Variants in ADARB2 observed in about 807,000 individuals in gnomAD.
ADARB2 encodes the protein inactive double-stranded RNA-specific editase B2.
A neutral mutation model predicts 62.2 loss-of-function variants in ADARB2; 25 were observed. The observed-to-expected ratio is 0.40, with a 90% CI of 0.29 to 0.56. The LOEUF is 0.56. ADARB2 is among the 20% of genes least tolerant of loss of function. The pLI, the probability that ADARB2 is intolerant of heterozygous loss-of-function variation, is 0.43. For synonymous variants in ADARB2, 572 were observed against 500.8 expected, an observed-to-expected ratio of 1.14 and a Z score of -1.90; for missense variants, 1,071 against 1,077.4, an observed-to-expected ratio of 0.99 and a Z score of 0.08.
chr10:1,599,782 C>A lies in ADARB2; in HGVS notation c.100+137269G>T, dbSNP rs143278813. ...TTGAGACAGGGTGCTGCTCTGTTGC[C>A]GAGGCTGGAGTAGAGTACAGTGGTG... is the stretch of plus-strand genomic sequence containing the variant. On this transcript the variant is annotated intron_variant, in intron 1 of 9. Coordinates refer to ENST00000381312, the MANE Select transcript of ADARB2 (RefSeq NM_018702.4). Among the ~76,000 whole-genome samples, 600 of 152,138 alleles carry A rather than the reference C, an allele frequency of 3.9e-3. 2 individuals are homozygous for A. The highest frequency in any genetic ancestry group is 0.014 in the African/African-American group (574 of 41,474).
chr10:1,634,975 A>G (rs960997017), intron 1 of ADARB2, among the ~76,000 whole-genome samples: 1 of 152,240 alleles, frequency 6.6e-6, no homozygotes, highest in Admixed American at 6.5e-5. Context: ...CTGTATTTGT[A>G]AAAGCTGGTT....
chr10:1,626,556 C>T (rs1223584765), intron 1 of ADARB2, among the ~76,000 whole-genome samples: 6 of 152,306 alleles, frequency 3.9e-5, no homozygotes, highest in African/African-American at 1.4e-4. Flanking sequence ...CTCCCCTGCA[C>T]GTGTCATGGG....
intron 1 of ADARB2, among the ~76,000 whole-genome samples, chr10:1,660,999 A>G (rs1039597807): frequency 4.6e-5 from 7 of 152,150 alleles, no homozygotes; most frequent in Non-Finnish European, 1.0e-4. Context: ...ACCCTGAGAT[A>G]ACCTCGTCTC....
At chr10:1,588,327 T>G (rs1245047455) in intron 1 of ADARB2, among the ~76,000 whole-genome samples, 2 of 152,228 alleles carry the variant, frequency 1.3e-5, no homozygotes, top group East Asian at 3.8e-4. Context: ...AGGTGGTTTT[T>G]TATCTGCAGC....
At chr10:1,379,599 A>C (rs764647105) in intron 1 of ADARB2, among the ~76,000 whole-genome samples, 3 of 152,196 alleles carry the variant, frequency 2.0e-5, no homozygotes, top group Non-Finnish European at 4.4e-5. Context: ...TTAGTGCAGA[A>C]TTTGCTTTCT....
At chr10:1,648,205 CTG>C (rs1179892031) in intron 1 of ADARB2, among the ~76,000 whole-genome samples, 1 of 152,206 alleles carries the variant, frequency 6.6e-6, no homozygotes, top group African/African-American at 2.4e-5. Context: ...GAAGTTTACA[CTG>C]TATCTGTGCT....
At chr10:1,352,598 A>G (rs1252383940) in intron 3 of ADARB2, among the ~76,000 whole-genome samples, 1 of 152,196 alleles carries the variant, frequency 6.6e-6, no homozygotes, top group African/African-American at 2.4e-5. Flanking sequence ...AGCGGCTGCC[A>G]CTGCCTTAAT....
chr10:1,376,067 C>A (rs1832427007), intron 2 of ADARB2, among the ~76,000 whole-genome samples: 1 of 151,960 alleles, frequency 6.6e-6, no homozygotes, highest in South Asian at 2.1e-4. Context: ...ATACCACATG[C>A]ATGAACACAC....
chr10:1,696,577 G>A (rs1834748971), intron 1 of ADARB2, among the ~76,000 whole-genome samples: 7 of 152,184 alleles, frequency 4.6e-5, no homozygotes, highest in Admixed American at 4.6e-4. Flanking sequence ...ATCAGAGGTG[G>A]TAGACATTTA....
At position 1,477,444 on chromosome 10, in the gene ADARB2, G is replaced by T. The variant is rs1245954694; in HGVS notation, c.101-98284C>A. On this transcript the variant is annotated intron_variant, in intron 1 of 9. Transcript: ENST00000381312. This position sits in a 1 kb window ranked among gnomAD's most constrained non-coding sequence, Gnocchi z 4.5. ...AGCTTCCTTCCAGCCCTGCTTCTTTGCAGACGGCCCCTTTTCTGCTGTGCT... is the reference window on the plus strand; with the variant it reads ...AGCTTCCTTCCAGCCCTGCTTCTTTTCAGACGGCCCCTTTTCTGCTGTGCT... Among the ~76,000 whole-genome samples the T allele has an allele frequency of 6.6e-6, 1 of 152,050 alleles. No individual in the cohort carries two copies. Among genetic ancestry groups the T allele is most frequent in the African/African-American group, 2.4e-5 (1 of 41,406 alleles).
In ADARB2 at chr10:1,242,151, C is replaced by T. The variant is rs139572548; in HGVS notation, c.1341G>A (p.Thr447=). 4.8e-4 allele frequency: 770 copies of T among 1,608,888 alleles called. 6 individuals are homozygous for T. The African/African-American group carries it at 8.0e-3, about 17-fold the overall frequency. Residue 447 remains threonine (T), a synonymous_variant, in exon 5 of 10, where the codon ACG becomes ACA. Coordinates refer to ENST00000381312, the MANE Select transcript of ADARB2 (RefSeq NM_018702.4). ...CTCACCTCAGGTGCAGCTCCAGCTG[C>T]GTGTAGAGGAAGTGCAGGAACGCCC... ...ARRAFLHFLY[T]QLELHLSKRR...
chr10:1,286,771 A>T (rs1194152471), intron 3 of ADARB2, among the ~76,000 whole-genome samples: 1 of 152,066 alleles, frequency 6.6e-6, no homozygotes, highest in African/African-American at 2.4e-5. Flanking sequence ...AGCATCCTGC[A>T]CTCGTCTCTT....
At chr10:1,639,961 T>C (rs1445229403) in intron 1 of ADARB2, among the ~76,000 whole-genome samples, 1 of 152,168 alleles carries the variant, frequency 6.6e-6, no homozygotes, top group Admixed American at 6.5e-5. Flanking sequence ...GCACAGTGGT[T>C]CTTTGTGGAA....
chr10:1,646,839 C>T (rs1834049477), intron 1 of ADARB2, among the ~76,000 whole-genome samples: 1 of 152,212 alleles, frequency 6.6e-6, no homozygotes, highest in Non-Finnish European at 1.5e-5. Context: ...GCTGTGTGCT[C>T]ACCACAAGAC....
intron 4 of ADARB2, among the ~76,000 whole-genome samples, chr10:1,242,844 C>T (rs1440009863): frequency 6.6e-6 from 1 of 152,172 alleles, no homozygotes; most frequent in Non-Finnish European, 1.5e-5. Flanking sequence ...TAACCATAGT[C>T]AAAGGAACCC....
chr10:1,637,804 C>A (rs2099475004), intron 1 of ADARB2, among the ~76,000 whole-genome samples: 1 of 152,176 alleles, frequency 6.6e-6, no homozygotes, highest in African/African-American at 2.4e-5. Flanking sequence ...ATGAGCAAAG[C>A]AAACCTCCTA....
At chr10:1,466,592 C>T (rs911099706) in intron 1 of ADARB2, among the ~76,000 whole-genome samples, 2 of 152,144 alleles carry the variant, frequency 1.3e-5, no homozygotes, top group South Asian at 2.1e-4. Flanking sequence ...GATTCAGGCC[C>T]GCCTCACCCT....
intron 1 of ADARB2, among the ~76,000 whole-genome samples, chr10:1,459,765 A>G (rs1831144042): frequency 6.6e-6 from 1 of 152,232 alleles, no homozygotes. Flanking sequence ...CTGTCTCAAA[A>G]AAAAAGAATG....
intron 1 of ADARB2, among the ~76,000 whole-genome samples, chr10:1,706,458 G>A (rs1366591442): frequency 6.6e-6 from 1 of 152,182 alleles, no homozygotes; most frequent in African/African-American, 2.4e-5. Context: ...AAGCCAGAAG[G>A]CCAGCCACAG....
Sources: gnomAD v4.1 joint callset for allele counts (sites outside exome capture counted in the v4.1 genomes callset) on GRCh38, gnomAD v4.1.1 for gene constraint, Gnocchi (gnomAD v3.1) non-coding constraint, MANE v1.5 for transcripts, NCBI Gene and HGNC (gene_info 2026-07-23, HGNC 2026-07-21) for gene names.